Variants in AGBL1 observed in about 807,000 individuals in gnomAD.
AGBL1 encodes AGBL carboxypeptidase 1, also known as cytosolic carboxypeptidase 4.
Under a neutral mutation model 118.9 loss-of-function variants are expected in AGBL1, and 130 were observed. The ratio of observed to expected loss-of-function variants is 1.09; its 90% CI spans 0.95 to 1.26. AGBL1 has a LOEUF of 1.26. AGBL1 is among the 50% of genes most tolerant of loss of function. The probability of loss-of-function intolerance (pLI) is 0.00; values close to 1 mark genes in which losing one functional copy is unlikely to be tolerated. For synonymous variants in AGBL1, 555 were observed against 478.9 expected, an observed-to-expected ratio of 1.16 and a Z score of -2.08; for missense variants, 1,584 against 1,298.1, an observed-to-expected ratio of 1.22 and a Z score of -3.38.
chr15:86,649,864 T>G (rs1455171813), intron 21 of AGBL1, among the ~76,000 whole-genome samples: 1 of 152,184 alleles, frequency 6.6e-6, no homozygotes, highest in Non-Finnish European at 1.5e-5. Context: ...TAAATCTACC[T>G]AATTGTATTG....
intron 22 of AGBL1, among the ~76,000 whole-genome samples, chr15:86,864,947 AT>A (rs1188417445): frequency 6.6e-6 from 1 of 152,200 alleles, no homozygotes; most frequent in Non-Finnish European, 1.5e-5. Context: ...ACTTATCACA[AT>A]AAAAAATCAT....
At chr15:87,028,125 G>C (rs1277445408) in intron 24 of AGBL1, among the ~76,000 whole-genome samples, 1 of 151,820 alleles carries the variant, frequency 6.6e-6, no homozygotes, top group African/African-American at 2.4e-5. Context: ...AATACCTTCT[G>C]TTTCAATATT....
intron 3 of AGBL1, among the ~76,000 whole-genome samples, chr15:86,146,471 C>T (rs933563329): frequency 6.6e-6 from 1 of 152,280 alleles, no homozygotes; most frequent in East Asian, 1.9e-4. Context: ...ACCAATCCCA[C>T]GTGGACACTG....
chr15:86,837,051 G>A (rs2079179431), intron 22 of AGBL1, among the ~76,000 whole-genome samples: 1 of 152,150 alleles, frequency 6.6e-6, no homozygotes, highest in East Asian at 1.9e-4. Context: ...TTGGAAGACA[G>A]CCACACACAC....
chr15:86,482,316 T>C (rs2082662196), intron 18 of AGBL1, among the ~76,000 whole-genome samples: 1 of 152,160 alleles, frequency 6.6e-6, no homozygotes, highest in Non-Finnish European at 1.5e-5. Flanking sequence ...CAAATGGTTA[T>C]TAATTATTGT....
At chr15:86,744,959 C>T (rs566206562) in intron 22 of AGBL1, among the ~76,000 whole-genome samples, 1 of 152,048 alleles carries the variant, frequency 6.6e-6, no homozygotes, top group Non-Finnish European at 1.5e-5. Flanking sequence ...TGATCTCTCT[C>T]GAGAAGTACC....
chr15:86,279,228 G>A (rs1247050796), intron 15 of AGBL1, among the ~76,000 whole-genome samples: 1 of 152,224 alleles, frequency 6.6e-6, no homozygotes, highest in Non-Finnish European at 1.5e-5. Context: ...TGAATCCTAT[G>A]TGGTCTGGGG....
At chr15:86,614,193 G>A (rs1351284488) in intron 21 of AGBL1, among the ~76,000 whole-genome samples, 1 of 152,196 alleles carries the variant, frequency 6.6e-6, no homozygotes, top group Non-Finnish European at 1.5e-5. Flanking sequence ...CGAGCTCTAT[G>A]TATTAAACTG....
At chr15:86,175,725 T>C (rs1899856) in intron 5 of AGBL1, among the ~76,000 whole-genome samples, 65,448 of 152,016 alleles carry the variant, frequency 0.43, 14,881 homozygotes, top group African/African-American at 0.57. Context: ...CAAGAATTTT[T>C]AAATTTCCTT....
intron 18 of AGBL1, among the ~76,000 whole-genome samples, chr15:86,485,199 A>T (rs2082698257): frequency 6.6e-6 from 1 of 152,176 alleles, no homozygotes; most frequent in Admixed American, 6.5e-5. Flanking sequence ...GGAGTTTGTT[A>T]GAAATGCACA....
chr15:86,127,649 T>TTTC (rs956658378), intron 1 of AGBL1, among the ~76,000 whole-genome samples: 1 of 152,200 alleles, frequency 6.6e-6, no homozygotes, highest in Non-Finnish European at 1.5e-5. Flanking sequence ...TCCAGAGCCA[T>TTTC]TTCTTCTTCT....
chr15:86,956,479 T>C (rs1477994746), intron 23 of AGBL1, among the ~76,000 whole-genome samples: 1 of 151,878 alleles, frequency 6.6e-6, no homozygotes, highest in East Asian at 1.9e-4. Flanking sequence ...AAGTAAGTGT[T>C]GATCTTGCAT....
At chr15:86,667,879 G>GT (rs2085674933) in intron 21 of AGBL1, among the ~76,000 whole-genome samples, 1 of 152,178 alleles carries the variant, frequency 6.6e-6, no homozygotes, top group African/African-American at 2.4e-5. Context: ...CTGAGAGTGA[G>GT]TAATTTATAA....
chr15:86,834,473 C>T (rs1027242828), intron 22 of AGBL1, among the ~76,000 whole-genome samples: 7 of 152,154 alleles, frequency 4.6e-5, no homozygotes, highest in African/African-American at 7.2e-5. Flanking sequence ...AAAGAGAGCT[C>T]CATGAATAAT....
At chr15:86,093,796 A>G (rs184751339) in intron 1 of AGBL1, among the ~76,000 whole-genome samples, 1 of 152,170 alleles carries the variant, frequency 6.6e-6, no homozygotes, top group African/African-American at 2.4e-5. Flanking sequence ...GGTTGGACAT[A>G]CATTTAATTG....
intron 18 of AGBL1, among the ~76,000 whole-genome samples, chr15:86,426,244 C>T (rs2081865170): frequency 6.6e-6 from 1 of 152,144 alleles, no homozygotes; most frequent in Non-Finnish European, 1.5e-5. Flanking sequence ...GGAATGTCAG[C>T]TTAGCCATGG....
intron 2 of AGBL1, among the ~76,000 whole-genome samples, chr15:86,142,696 G>T (rs2076979689): frequency 6.6e-6 from 1 of 152,176 alleles, no homozygotes; most frequent in Admixed American, 6.5e-5. Context: ...CAAGAGGAAG[G>T]GGCCCATTGT....
chr15:86,536,572 G>A (rs1364077780), intron 19 of AGBL1, among the ~76,000 whole-genome samples: 8 of 152,172 alleles, frequency 5.3e-5, no homozygotes, highest in African/African-American at 1.9e-4. Context: ...GCCTCCCAAA[G>A]TGTTGGGATT....
chr15:86,959,831 C>T (rs16978124), intron 23 of AGBL1, among the ~76,000 whole-genome samples: 2 of 151,946 alleles, frequency 1.3e-5, no homozygotes, highest in Non-Finnish European at 2.9e-5. Context: ...GAGTTTCTCT[C>T]CACTTCTCTA....
Sources: gnomAD v4.1 joint callset for allele counts (sites outside exome capture counted in the v4.1 genomes callset) on GRCh38, gnomAD v4.1.1 for gene constraint, MANE v1.5 for transcripts, NCBI Gene and HGNC (gene_info 2026-07-23, HGNC 2026-07-21) for gene names.